Variants in DNAH2 observed in about 807,000 individuals in gnomAD.
The protein encoded by DNAH2 is dynein axonemal heavy chain 2.
In DNAH2, 323 loss-of-function variants were observed where a neutral mutation model predicts 523.5. That is an observed-to-expected ratio of 0.62 (90% CI 0.56 to 0.68). DNAH2 has a LOEUF of 0.68. DNAH2 is among the 30% of genes least tolerant of loss of function. The pLI is 0.00. For synonymous variants in DNAH2, 2,093 were observed against 2,177.4 expected (o/e 0.96, Z 1.08); for missense variants, 4,907 against 5,701.5 (o/e 0.86, Z 4.49).
At position 7,801,631 on chromosome 17, in the gene DNAH2, T is replaced by C. The variant is rs2077224573; in HGVS notation, c.8753T>C (p.Phe2918Ser). ...GTGAACTGCACAACCATCAACTGGT[T>C]CTCAGAGTGGCCCCAAGAGGCCCTG... ...ALVNCTTINW[F>S]SEWPQEALLE... is the part of the protein sequence containing the mutation. The change falls in exon 57 of 86, where the codon TTC becomes TCC. Residue 2918 changes from phenylalanine to serine, a missense_variant. Physicochemically the swap from Phe to Ser is radical, Grantham distance 155. Transcript: ENST00000572933. The C allele has an allele frequency of 1.2e-6, 2 of 1,614,044 alleles. No homozygotes were observed. Among genetic ancestry groups the C allele is most frequent in the Admixed American group, 1.7e-5 (1 of 60,002 alleles).
rs191977296 is a variant in DNAH2 at position 7,829,566 on chromosome 17, C to T, written c.11854-734C>T. ...AATGCCAATCACATAGACTGTTCTT[C>T]CTTGATGATATATTATGGACTTTTT... On this transcript the variant is annotated intron_variant, in intron 77 of 85. Coordinates refer to ENST00000572933, the MANE Select transcript of DNAH2 (RefSeq NM_020877.5). Among the ~76,000 whole-genome samples the T allele has an allele frequency of 1.2e-4, 18 of 151,900 alleles. No individual in the cohort carries two copies. In the East Asian group the frequency reaches 3.5e-3, roughly 29 times the overall value.
intron 1 of DNAH2, 148 bp downstream of exon 1, chr17:7,718,947 G>C (rs1398435372): frequency 6.6e-6 from 1 of 152,470 alleles, no homozygotes; most frequent in Non-Finnish European, 1.5e-5. Context: ...ACAAAGGATG[G>C]GGGATGTGCA....
chr17:7,776,523 AAGG>A (rs2151235371), intron 31 of DNAH2, among the ~76,000 whole-genome samples: 1 of 152,246 alleles, frequency 6.6e-6, no homozygotes, highest in African/African-American at 2.4e-5. Flanking sequence ...ATGGAGTTAA[AAGG>A]AGGTGGCCAG....
Position 7,786,845 on chromosome 17 carries a change from G to A in DNAH2, c.6467-52G>A. 1.9e-6 allele frequency: 3 copies of A among 1,612,172 alleles called. No homozygotes were observed. The highest frequency in any genetic ancestry group is 2.5e-6 in the Non-Finnish European group (3 of 1,178,466). On this transcript the variant is annotated intron_variant, in intron 41 of 85. Transcript: ENST00000572933. This position sits in a 1 kb window ranked among gnomAD's most constrained non-coding sequence, Gnocchi z 7.5. ...TGTGTCTCCGAGGAGCGTGAGCGGA[G>A]GGTGCAAGGTGAGCGGCTCCCCGGT...
At chr17:7,743,590 C>A in intron 12 of DNAH2, 1 of 498,284 alleles carries the variant, frequency 2.0e-6, no homozygotes, top group Non-Finnish European at 3.6e-6. Context: ...CGCCTGAGCC[C>A]GGGAGGCAGA....
intron 31 of DNAH2, among the ~76,000 whole-genome samples, 160 bp downstream of exon 31, chr17:7,776,309 T>C (rs1038281332): frequency 1.6e-4 from 25 of 151,996 alleles, no homozygotes; most frequent in African/African-American, 4.1e-4. Flanking sequence ...CTACTAAAAA[T>C]ACAAAAAATT....
intron 56 of DNAH2, 71 bp from the exon 57 acceptor site, chr17:7,801,507 G>C: frequency 6.3e-6 from 10 of 1,599,158 alleles, no homozygotes; most frequent in Non-Finnish European, 8.6e-6. Context: ...GAGTGGATGC[G>C]TGTTGGGAAG....
chr17:7,774,152 C>G (rs536386450), intron 28 of DNAH2, among the ~76,000 whole-genome samples: 5 of 152,294 alleles, frequency 3.3e-5, no homozygotes, highest in Non-Finnish European at 7.3e-5. Flanking sequence ...TCTGAATTGG[C>G]AGCATCACTA....
chr17:7,792,896 G>C (rs944213007), intron 47 of DNAH2, 41 bp downstream of exon 47: 19 of 1,604,514 alleles, frequency 1.2e-5, no homozygotes, highest in Non-Finnish European at 1.6e-5. Flanking sequence ...GGCTCCCTTG[G>C]GATCCAAGTG....
At position 7,798,304 on chromosome 17, in the gene DNAH2, G is replaced by A. The variant is rs767085582; in HGVS notation, c.8378G>A (p.Arg2793Gln). Residue 2793 changes from arginine (R) to glutamine (Q), a missense_variant, in exon 54 of 86, where the codon CGG (arginine) becomes CAG (glutamine). Physicochemically the swap from Arg to Gln is conservative, Grantham distance 43 (BLOSUM62 1). This residue lies in a region of DNAH2 where 1,851 missense variants were observed against 2,139.4 expected (regional missense o/e 0.87). Coordinates refer to ENST00000572933, the MANE Select transcript of DNAH2 (RefSeq NM_020877.5). This position sits in a 1 kb window ranked among gnomAD's most constrained non-coding sequence, Gnocchi z 5.5. ...TFQIEVTKHY[R>Q]KQEFRDDIKR... ...CAGATCGAGGTCACCAAACATTATCGGAAGCAGGAGTTCCGAGATGGTACG... is the reference window on the plus strand; with the variant it reads ...CAGATCGAGGTCACCAAACATTATCAGAAGCAGGAGTTCCGAGATGGTACG... The A allele has an allele frequency of 1.3e-5, 21 of 1,611,556 alleles. No individual in the cohort carries two copies. The East Asian group carries it at 2.0e-4, about 15-fold the overall frequency.
At chr17:7,812,813 G>A (rs2151313706) in intron 63 of DNAH2, among the ~76,000 whole-genome samples, 1 of 147,028 alleles carries the variant, frequency 6.8e-6, no homozygotes, top group East Asian at 2.0e-4. Flanking sequence ...CGTGGTGGTG[G>A]GCACCTGTAA....
rs943838527 is a variant in DNAH2, at chr17:7,763,812, G to T, written c.2979-19G>T. On this transcript the variant is annotated intron_variant, in intron 18 of 85. Transcript: ENST00000572933. ...TGCAAAGAAAACAACATCCTAGCTG[G>T]GATCTGGGGCTCTTGCAGCTACACG... The T allele has an allele frequency of 6.2e-7, 1 of 1,613,612 alleles. No homozygotes were observed. The highest frequency in any genetic ancestry group is 1.3e-5 in the African/African-American group (1 of 75,024).
intron 63 of DNAH2, among the ~76,000 whole-genome samples, chr17:7,815,508 A>C (rs548591241): frequency 6.6e-6 from 1 of 152,328 alleles, no homozygotes; most frequent in African/African-American, 2.4e-5. Flanking sequence ...GATCACACAC[A>C]CATATACAGG....
At position 7,727,115 on chromosome 17, in the gene DNAH2, T is replaced by G. The variant is rs199656868; in HGVS notation, c.229-7T>G. ...AGTTACTTTGGCCCTCTGCTCTCCT[T>G]CTGTAGAAGCCCCTCTTCCTTTCCC... On this transcript the variant is annotated splice_polypyrimidine_tract_variant and splice_region_variant and intron_variant, in intron 3 of 85. Transcript: ENST00000572933. The G allele has an allele frequency of 1.6e-5, 24 of 1,544,904 alleles. No individual in the cohort carries two copies. The highest frequency in any genetic ancestry group is 3.5e-6 in the Non-Finnish European group (4 of 1,153,532).
chr17:7,759,065 C>G lies in DNAH2; in HGVS notation c.2389C>G (p.Gln797Glu), dbSNP rs779523920. Residue 797 changes from glutamine to glutamate, a missense_variant, in exon 15 of 86, where the codon CAG (glutamine) becomes GAG (glutamate). By Grantham distance (29) the Gln-to-Glu change is conservative. Transcript: ENST00000572933. ...AVQQKLMNLH[Q>E]DVVTIMTNSY... is the part of the protein sequence containing the mutation. Reference sequence around the variant, plus strand: ...ACAGCAGAAATTGATGAACCTGCACCAGGATGTGGTGACCATCATGACCAA... The same window carrying G: ...ACAGCAGAAATTGATGAACCTGCACGAGGATGTGGTGACCATCATGACCAA... 15 of 1,613,988 alleles carry G rather than the reference C, an allele frequency of 9.3e-6. No homozygotes were observed. The Middle Eastern group carries it at 8.2e-4, about 88-fold the overall frequency.
intron 58 of DNAH2, among the ~76,000 whole-genome samples, chr17:7,803,821 A>AAG (rs66942102): frequency 2.6e-5 from 4 of 151,604 alleles, no homozygotes; most frequent in East Asian, 3.9e-4. Flanking sequence ...CAAAAAAAGA[A>AAG]AGAGAGAGAG....
chr17:7,743,415 C>T (rs1222502970), intron 12 of DNAH2: 2 of 691,862 alleles, frequency 2.9e-6, no homozygotes, highest in Admixed American at 2.1e-5. Context: ...CCTGTAATCC[C>T]AGCACTTTGG....
At chr17:7,823,733 C>T (rs971604208) in intron 74 of DNAH2, 101 bp from the exon 75 acceptor site, 13 of 1,578,880 alleles carry the variant, frequency 8.2e-6, no homozygotes, top group Admixed American at 1.7e-5. Context: ...TGGTGCCTGC[C>T]TCCTGGCCCG....
At position 7,758,550 on chromosome 17, in the gene DNAH2, C is replaced by T. The variant is rs2151193598; in HGVS notation, c.2107C>T (p.Leu703Phe). 6.2e-7 allele frequency: 1 copy of T among 1,614,152 alleles called. No individual in the cohort carries two copies. Among genetic ancestry groups the T allele is most frequent in the Non-Finnish European group, 8.5e-7 (1 of 1,180,034 alleles). The part of the protein sequence containing the change: ...EQALFKERIR[L>F]LDKKIHPGLK... The stretch of plus-strand genomic sequence containing the variant: ...GGCCCTATTCAAAGAGCGTATTCGG[C>T]TCCTGGATAAGAAGATCCACCCGGG... The change falls in exon 14 of 86, where the codon CTC becomes TTC. Residue 703 changes from leucine to phenylalanine, a missense_variant. Physicochemically the swap from Leu to Phe is conservative, Grantham distance 22. Around this residue, in one of 3 missense-constraint regions of DNAH2, gnomAD observed 2,806 missense variants for 3,190.8 expected, o/e 0.88. Coordinates refer to ENST00000572933, the MANE Select transcript of DNAH2 (RefSeq NM_020877.5).
Sources: gnomAD v4.1 joint callset for allele counts (sites outside exome capture counted in the v4.1 genomes callset) on GRCh38, gnomAD v4.1.1 for gene constraint, gnomAD v4.1.1 regional missense constraint, Gnocchi (gnomAD v3.1) non-coding constraint, MANE v1.5 for transcripts, NCBI Gene and HGNC (gene_info 2026-07-23, HGNC 2026-07-21) for gene names.